ANKRD12: variants seen among roughly 807,000 people sequenced by gnomAD.
ANKRD12 encodes the protein ankyrin repeat domain 12.
Under a neutral mutation model 183.4 loss-of-function variants are expected in ANKRD12, and 85 were observed. The observed-to-expected ratio is 0.46, with a 90% CI of 0.39 to 0.56. The LOEUF is 0.56. ANKRD12 is among the 20% of genes least tolerant of loss of function. ANKRD12 has a pLI of 0.00. For synonymous variants in ANKRD12, 914 were observed against 800.2 expected, an observed-to-expected ratio of 1.14 and a Z score of -2.40; for missense variants, 2,405 against 2,357.1, an observed-to-expected ratio of 1.02 and a Z score of -0.42.
chr18:9,148,326 A>T (rs1299480198), intron 1 of ANKRD12, among the ~76,000 whole-genome samples: 1 of 151,062 alleles, frequency 6.6e-6, no homozygotes, highest in Non-Finnish European at 1.5e-5. Flanking sequence ...ATATATATAC[A>T]CACACACGTA....
intron 1 of ANKRD12, among the ~76,000 whole-genome samples, chr18:9,156,269 A>G (rs2030445522): frequency 6.6e-6 from 1 of 152,082 alleles, no homozygotes; most frequent in Non-Finnish European, 1.5e-5. Flanking sequence ...CCAGATGCCA[A>G]CATTTTTACC....
At chr18:9,187,222 T>G (rs2034143922) in intron 2 of ANKRD12, among the ~76,000 whole-genome samples, 1 of 151,654 alleles carries the variant, frequency 6.6e-6, no homozygotes, top group Non-Finnish European at 1.5e-5. Flanking sequence ...GGCCAGGAGT[T>G]CAAGACCAGC....
At chr18:9,240,762 T>G (rs1364734495) in intron 8 of ANKRD12, among the ~76,000 whole-genome samples, 1 of 152,196 alleles carries the variant, frequency 6.6e-6, no homozygotes, top group Non-Finnish European at 1.5e-5. Context: ...GGCAAGCTAC[T>G]TCTAGAGCTC....
At position 9,219,758 on chromosome 18, in the gene ANKRD12, G is replaced by GA. The variant is rs879484682; in HGVS notation, c.796-2080dup. Among the ~76,000 whole-genome samples, 724 of 101,696 alleles carry GA rather than the reference G, an allele frequency of 7.1e-3. 2 individuals are homozygous for GA. Among genetic ancestry groups the GA allele is most frequent in the African/African-American group, 0.012 (365 of 29,388 alleles). The allele number at this position is 101,696 out of a possible 152,430, so 66.7% of individuals were successfully genotyped here. On this transcript the variant is annotated intron_variant, in intron 7 of 12. Transcript: ENST00000262126. ...ACAACACAGAATCCTAGAAAGAAAA[G>GA]AAAAAAAAAAAAAAGCTTAGGAATC...
In ANKRD12 at chr18:9,209,927, T is replaced by G. The variant is rs74347041; in HGVS notation, c.451+1124T>G. 4.6e-3 allele frequency among the ~76,000 whole-genome samples: 693 copies of G among 152,278 alleles called. 16 individuals are homozygous for G. The East Asian group carries it at 0.064, about 14-fold the overall frequency. On this transcript the variant is annotated intron_variant, in intron 5 of 12. Transcript: ENST00000262126. The stretch of plus-strand genomic sequence containing the variant: ...TCACCTCCCCTCAAGAGGTGACCAC[T>G]GTTAACAGTTTCTTATCTTTATTTA...
At chr18:9,190,924 G>C (rs927155690) in intron 2 of ANKRD12, among the ~76,000 whole-genome samples, 2 of 152,154 alleles carry the variant, frequency 1.3e-5, no homozygotes, top group Non-Finnish European at 2.9e-5. Context: ...GTCTGGAACT[G>C]AATCTGCCAT....
chr18:9,177,831 T>C (rs1047165978), intron 1 of ANKRD12, among the ~76,000 whole-genome samples: 4 of 152,222 alleles, frequency 2.6e-5, no homozygotes, highest in Non-Finnish European at 4.4e-5. Context: ...GAACATCTCA[T>C]TATTAATTTT....
intron 2 of ANKRD12, among the ~76,000 whole-genome samples, chr18:9,194,865 A>G (rs2034678757): frequency 6.6e-6 from 1 of 152,206 alleles, no homozygotes. Flanking sequence ...TTGTCCTATT[A>G]AAAAGACACA....
chr18:9,245,776 G>T (rs1220970183), intron 8 of ANKRD12, among the ~76,000 whole-genome samples: 1 of 152,082 alleles, frequency 6.6e-6, no homozygotes, highest in African/African-American at 2.4e-5. Context: ...TTGTGGCAGG[G>T]TTGTTTTGTC....
At chr18:9,264,861 G>T (rs1011291343) in intron 10 of ANKRD12, among the ~76,000 whole-genome samples, 9 of 152,208 alleles carry the variant, frequency 5.9e-5, no homozygotes, top group Non-Finnish European at 8.8e-5. Flanking sequence ...TTCTTGAGGG[G>T]TGGAGCCAAG....
intron 2 of ANKRD12, among the ~76,000 whole-genome samples, chr18:9,189,240 G>T (rs1407531423): frequency 6.6e-6 from 1 of 152,106 alleles, no homozygotes; most frequent in Non-Finnish European, 1.5e-5. Flanking sequence ...CCAGATCAAG[G>T]CCCTCTCCTC....
intron 1 of ANKRD12, among the ~76,000 whole-genome samples, chr18:9,175,888 G>A (rs2144078103): frequency 6.6e-6 from 1 of 152,212 alleles, no homozygotes; most frequent in Admixed American, 6.5e-5. Flanking sequence ...TCTCTGCTAA[G>A]ATAAAATTTT....
chr18:9,172,930 C>CT (rs58113937), intron 1 of ANKRD12, among the ~76,000 whole-genome samples: 11,171 of 151,398 alleles, frequency 0.074, 429 homozygotes, highest in African/African-American at 0.084. Flanking sequence ...GAGACAGAGT[C>CT]TCGCCCTGTT....
intron 8 of ANKRD12, among the ~76,000 whole-genome samples, chr18:9,235,212 T>C (rs2037277753): frequency 6.6e-6 from 1 of 152,174 alleles, no homozygotes; most frequent in Admixed American, 6.5e-5. Context: ...TCTTAAAAAA[T>C]AGGCCAATAG....
chr18:9,185,611 GAAAT>G (rs2033995346), intron 2 of ANKRD12, among the ~76,000 whole-genome samples: 1 of 152,206 alleles, frequency 6.6e-6, no homozygotes, highest in Non-Finnish European at 1.5e-5. Context: ...GTCTGGATTG[GAAAT>G]AAATATATGA....
intron 2 of ANKRD12, among the ~76,000 whole-genome samples, chr18:9,191,952 A>C (rs1190519759): frequency 6.6e-6 from 1 of 152,098 alleles, no homozygotes; most frequent in Non-Finnish European, 1.5e-5. Context: ...CCTGCTTCAC[A>C]CTTTTTTTCC....
At chr18:9,247,099 T>TA (rs760085271) in intron 8 of ANKRD12, among the ~76,000 whole-genome samples, 20 of 152,340 alleles carry the variant, frequency 1.3e-4, no homozygotes, top group African/African-American at 2.9e-4. Context: ...GTTTGACTGT[T>TA]ACACTTTCTG....
At chr18:9,205,647 G>A (rs1035849051) in intron 4 of ANKRD12, among the ~76,000 whole-genome samples, 2 of 152,044 alleles carry the variant, frequency 1.3e-5, no homozygotes, top group African/African-American at 4.8e-5. Context: ...TGTATATGAA[G>A]CCATCCATAA....
intron 8 of ANKRD12, among the ~76,000 whole-genome samples, chr18:9,243,413 A>G (rs1364821538): frequency 4.6e-5 from 7 of 152,230 alleles, no homozygotes; most frequent in South Asian, 4.1e-4. Context: ...CTGTATCAAT[A>G]TGAAAAGAAA....
Sources: allele counts gnomAD v4.1 joint callset (sites outside exome capture counted in the v4.1 genomes callset), GRCh38; gene constraint gnomAD v4.1.1; transcripts MANE v1.5; gene names NCBI Gene and HGNC (gene_info 2026-07-23, HGNC 2026-07-21).